The following ANKRD31 variants were observed in gnomAD, a reference collection of about 807,000 sequenced individuals.
ANKRD31 encodes ankyrin repeat domain 31.
ANKRD31 carries 147 observed loss-of-function variants against 186.0 expected under a neutral mutation model. That is an observed-to-expected ratio of 0.79 (90% CI 0.69 to 0.91). The LOEUF is 0.91. ANKRD31 is among the 40% of genes least tolerant of loss of function. ANKRD31 has a pLI of 0.00. For missense variants in ANKRD31, 1,986 were observed against 2,148.8 expected (o/e 0.92, Z 1.50); for synonymous variants, 673 against 736.4 (o/e 0.91, Z 1.39).
intron 17 of ANKRD31, among the ~76,000 whole-genome samples, chr5:75,133,036 C>T (rs974869766): frequency 3.9e-5 from 6 of 152,132 alleles, no homozygotes; most frequent in Admixed American, 6.6e-5. Flanking sequence ...AAGGAACAAC[C>T]GGTACCAGCC....
intron 22 of ANKRD31, among the ~76,000 whole-genome samples, chr5:75,102,437 G>T (rs1008588639): frequency 6.6e-6 from 1 of 152,210 alleles, no homozygotes; most frequent in Non-Finnish European, 1.5e-5. Context: ...CATGCTGGAA[G>T]AACCACTACT....
At chr5:75,167,468 A>G (rs1377428215) in intron 11 of ANKRD31, among the ~76,000 whole-genome samples, 1 of 152,148 alleles carries the variant, frequency 6.6e-6, no homozygotes, top group South Asian at 2.1e-4. Context: ...ACTGGTTTCA[A>G]CTTTTAATTT....
chr5:75,160,510 T>C lies in ANKRD31; in HGVS notation c.1708-6165A>G, dbSNP rs527312025. Among the ~76,000 whole-genome samples the C allele has an allele frequency of 2.0e-5, 3 of 152,338 alleles. No individual in the cohort carries two copies. The South Asian group carries it at 6.2e-4, about 32-fold the overall frequency. On this transcript the variant is annotated intron_variant, in intron 11 of 25. Transcript: ENST00000506364. ...TATCAATAACAACATTAAATATGAATGGATTAAACAACCTAATCAAAAGGC... is the reference window on the plus strand; with the variant it reads ...TATCAATAACAACATTAAATATGAACGGATTAAACAACCTAATCAAAAGGC...
intron 10 of ANKRD31, among the ~76,000 whole-genome samples, chr5:75,174,193 T>C (rs1753585485): frequency 2.0e-5 from 3 of 152,174 alleles, no homozygotes; most frequent in Non-Finnish European, 1.5e-5. Context: ...AAGCTGAAAC[T>C]GGATCCCTTC....
At chr5:75,175,056 AG>A (rs770798215) in intron 10 of ANKRD31, among the ~76,000 whole-genome samples, 1 of 152,244 alleles carries the variant, frequency 6.6e-6, no homozygotes, top group East Asian at 1.9e-4. Flanking sequence ...GCCATAAAAA[AG>A]GATGAGTTCA....
At chr5:75,196,611 C>A (rs1580536383) in intron 6 of ANKRD31, among the ~76,000 whole-genome samples, 1 of 152,108 alleles carries the variant, frequency 6.6e-6, no homozygotes, top group Non-Finnish European at 1.5e-5. Flanking sequence ...AAATTATTAA[C>A]TAGGAATAAA....
intron 22 of ANKRD31, among the ~76,000 whole-genome samples, chr5:75,103,798 A>T (rs916808024): frequency 2.6e-5 from 4 of 152,170 alleles, no homozygotes; most frequent in African/African-American, 9.7e-5. Flanking sequence ...GAGCTGAACA[A>T]TGAGAACACG....
chr5:75,094,985 T>C (rs918888441), intron 22 of ANKRD31, among the ~76,000 whole-genome samples: 3 of 152,060 alleles, frequency 2.0e-5, no homozygotes, highest in South Asian at 2.1e-4. Flanking sequence ...CAGGAAGATA[T>C]AACAATTATA....
At chr5:75,181,212 G>A (rs947592389) in intron 10 of ANKRD31, among the ~76,000 whole-genome samples, 28 of 152,074 alleles carry the variant, frequency 1.8e-4, no homozygotes, top group Non-Finnish European at 3.4e-4. Flanking sequence ...TTAGAATGGT[G>A]ATCATTAAAA....
At position 75,147,453 on chromosome 5, in the gene ANKRD31, G is replaced by A; in HGVS notation, c.1958C>T (p.Ser653Phe). 6.7e-7 allele frequency: 1 copy of A among 1,490,396 alleles called. No homozygotes were observed. Among genetic ancestry groups the A allele is most frequent in the Admixed American group, 2.5e-5 (1 of 39,908 alleles). The allele number at this position is 1,490,396 out of a possible 1,614,324, so 92.3% of individuals were successfully genotyped here. The change falls in exon 14 of 26, where the codon TCC becomes TTC. Residue 653 changes from serine to phenylalanine, a missense_variant. Transcript: ENST00000506364. ...SHIWHVYNEN[S>F]NRQKLEHVKV... ...TACATGTTCCAGCTTCTGTCTGTTG[G>A]AATTTTCATTATAAACATGCCAAAT...
chr5:75,235,241 C>T (rs1244039404), intron 1 of ANKRD31, among the ~76,000 whole-genome samples: 18 of 99,870 alleles, frequency 1.8e-4, no homozygotes, highest in Admixed American at 4.7e-4. Context: ...CTTGCTGGTA[C>T]TTTTTTTTTT....
chr5:75,141,345 T>A lies in ANKRD31; in HGVS notation c.3596-2362A>T, dbSNP rs570399904. ...GAAGAATTGAAAACTTATGTGTGTG[T>A]GTGTGTGTGTATATATATACATATG... is the stretch of plus-strand genomic sequence containing the variant. On this transcript the variant is annotated intron_variant, in intron 15 of 25. Coordinates refer to ENST00000506364, the MANE Select transcript of ANKRD31 (RefSeq NM_001372053.1). Among the ~76,000 whole-genome samples, 7 of 152,208 alleles carry A rather than the reference T, an allele frequency of 4.6e-5. No individual in the cohort carries two copies. In the East Asian group the frequency reaches 1.4e-3, roughly 29 times the overall value.
intron 2 of ANKRD31, among the ~76,000 whole-genome samples, chr5:75,223,300 A>G (rs1449953030): frequency 6.6e-6 from 1 of 152,192 alleles, no homozygotes; most frequent in Non-Finnish European, 1.5e-5. Flanking sequence ...CATATACTAC[A>G]CTGAATGAAA....
At chr5:75,130,564 C>T (rs556061505) in intron 17 of ANKRD31, among the ~76,000 whole-genome samples, 19 of 152,272 alleles carry the variant, frequency 1.2e-4, no homozygotes, top group Admixed American at 1.2e-3. Flanking sequence ...TTTAGCTAGA[C>T]GTAGAGCGCT....
At chr5:75,160,110 T>C (rs1007352908) in intron 11 of ANKRD31, among the ~76,000 whole-genome samples, 1 of 152,036 alleles carries the variant, frequency 6.6e-6, no homozygotes, top group African/African-American at 2.4e-5. Flanking sequence ...TCAGCTTCTT[T>C]AAGAGACCTA....
intron 22 of ANKRD31, among the ~76,000 whole-genome samples, chr5:75,097,853 T>A (rs1230521793): frequency 6.6e-6 from 1 of 152,172 alleles, no homozygotes; most frequent in African/African-American, 2.4e-5. Context: ...AAGGAAGGGA[T>A]CCAGTTTCAG....
At chr5:75,201,777 T>C (rs1755839463) in intron 5 of ANKRD31, among the ~76,000 whole-genome samples, 1 of 152,154 alleles carries the variant, frequency 6.6e-6, no homozygotes, top group African/African-American at 2.4e-5. Flanking sequence ...GGAAAAGCCA[T>C]CCAGTGTTAA....
intron 17 of ANKRD31, among the ~76,000 whole-genome samples, chr5:75,129,259 G>A (rs1749530637): frequency 6.6e-6 from 1 of 152,140 alleles, no homozygotes. Context: ...CCTCAGTCAT[G>A]CTTCCTGTAT....
intron 10 of ANKRD31, among the ~76,000 whole-genome samples, chr5:75,173,784 T>C (rs1753550023): frequency 6.6e-6 from 1 of 152,054 alleles, no homozygotes; most frequent in Admixed American, 6.6e-5. Context: ...CAAATCAATA[T>C]GATGAAAATG....
Sources: allele counts gnomAD v4.1 joint callset (sites outside exome capture counted in the v4.1 genomes callset), GRCh38; gene constraint gnomAD v4.1.1; transcripts MANE v1.5; gene names NCBI Gene and HGNC (gene_info 2026-07-23, HGNC 2026-07-21).